IFT56: variants seen among roughly 807,000 people sequenced by gnomAD.
IFT56 encodes the protein intraflagellar transport 56, also known as intraflagellar transport protein 56.
chr7:139,162,457 TA>T, the IFT56 span, among the ~76,000 whole-genome samples: 5 of 152,238 alleles, frequency 3.3e-5, no homozygotes, highest in Non-Finnish European at 7.3e-5. Flanking sequence ...CATAATACTT[TA>T]TTTTTTTCCA....
At chr7:139,139,392 T>C in the IFT56 span, among the ~76,000 whole-genome samples, 14 of 152,178 alleles carry the variant, frequency 9.2e-5, no homozygotes, top group South Asian at 2.9e-3. Flanking sequence ...GTATGGAAAA[T>C]GTCGTTAACA....
chr7:139,176,505 C>T, the IFT56 span, among the ~76,000 whole-genome samples: 20 of 152,128 alleles, frequency 1.3e-4, no homozygotes, highest in Admixed American at 9.2e-4. Context: ...ATATTGCCCA[C>T]TAGTAGTCTT....
At chr7:139,143,774 C>T in the IFT56 span, among the ~76,000 whole-genome samples, 1 of 151,974 alleles carries the variant, frequency 6.6e-6, no homozygotes, top group East Asian at 1.9e-4. Context: ...TCTCTCCTTT[C>T]TTGCCTTTTT....
the IFT56 span, chr7:139,169,327 G>T: frequency 6.2e-7 from 1 of 1,614,012 alleles, no homozygotes. Context: ...TCTTCCAGTT[G>T]GTGGGAGGAT....
chr7:139,180,130 G>A, the IFT56 span, among the ~76,000 whole-genome samples: 14 of 152,040 alleles, frequency 9.2e-5, no homozygotes. Flanking sequence ...GAGGTCAGGA[G>A]ATCGAGACCA....
the IFT56 span, chr7:139,147,106 A>G: frequency 1.9e-6 from 3 of 1,608,492 alleles, no homozygotes; most frequent in Admixed American, 1.7e-5. Flanking sequence ...CAACACTAAT[A>G]TGAATCTTTA....
the IFT56 span, among the ~76,000 whole-genome samples, chr7:139,136,074 C>A: frequency 0.022 from 3,352 of 152,212 alleles, 93 homozygotes; most frequent in African/African-American, 0.076. Flanking sequence ...GAAGTGCCTG[C>A]CACCATACCT....
chr7:139,187,346 C>T, the IFT56 span: 1 of 1,577,240 alleles, frequency 6.3e-7, no homozygotes, highest in East Asian at 2.3e-5. Context: ...TCTTTATGTT[C>T]AGGTTCTTTC....
the IFT56 span, among the ~76,000 whole-genome samples, chr7:139,148,650 T>C: frequency 6.6e-6 from 1 of 152,186 alleles, no homozygotes; most frequent in South Asian, 2.1e-4. Flanking sequence ...TAAAACCAAA[T>C]GCTTCTGGCC....
the IFT56 span, chr7:139,172,854 C>A: frequency 1.5e-6 from 1 of 680,756 alleles, no homozygotes; most frequent in Non-Finnish European, 2.8e-6. Flanking sequence ...TACTTCCTTC[C>A]TTGCTAGGAG....
the IFT56 span, chr7:139,160,977 T>C: frequency 3.1e-6 from 5 of 1,613,710 alleles, no homozygotes; most frequent in Non-Finnish European, 4.2e-6. Context: ...TGGACAATGC[T>C]TCTTCATCCT....
At chr7:139,135,299 C>A in the IFT56 span, among the ~76,000 whole-genome samples, 3,595 of 97,898 alleles carry the variant, frequency 0.037, 38 homozygotes, top group South Asian at 0.099. Flanking sequence ...AAAAAAAAAA[C>A]AAAACAAAAC....
chr7:139,138,608 C>T, the IFT56 span, among the ~76,000 whole-genome samples: 1 of 152,078 alleles, frequency 6.6e-6, no homozygotes, highest in African/African-American at 2.4e-5. Context: ...ATCTTCAGAA[C>T]AGGAAAATTA....
chr7:139,141,423 G>GCCCA, the IFT56 span, among the ~76,000 whole-genome samples: 2 of 152,074 alleles, frequency 1.3e-5, no homozygotes, highest in Non-Finnish European at 2.9e-5. Flanking sequence ...CCACCACCAT[G>GCCCA]CCCAGCAAAG....
At chr7:139,150,436 C>G in the IFT56 span, among the ~76,000 whole-genome samples, 2 of 152,116 alleles carry the variant, frequency 1.3e-5, no homozygotes, top group Non-Finnish European at 2.9e-5. Flanking sequence ...AGTATGGTTA[C>G]TCAATATCCT....
chr7:139,138,702 C>A, the IFT56 span, among the ~76,000 whole-genome samples: 2 of 151,958 alleles, frequency 1.3e-5, no homozygotes, highest in East Asian at 3.9e-4. Context: ...GACAAAGGAA[C>A]AATTATATTT....
chr7:139,178,654 T>A, the IFT56 span: 1 of 1,451,362 alleles, frequency 6.9e-7, no homozygotes, highest in Non-Finnish European at 9.7e-7. Flanking sequence ...CATCCTTATC[T>A]TTTTCTCACT....
the IFT56 span, among the ~76,000 whole-genome samples, chr7:139,135,138 G>A: frequency 6.6e-6 from 1 of 152,010 alleles, no homozygotes; most frequent in African/African-American, 2.4e-5. Flanking sequence ...AATTAGCTGG[G>A]CATGGTGGCA....
chr7:139,190,633 A>G, the IFT56 span: 1 of 152,206 alleles, frequency 6.6e-6, no homozygotes, highest in Non-Finnish European at 1.5e-5. Flanking sequence ...TGAATCGTAT[A>G]AAGTCCTTTG....
Sources: allele counts gnomAD v4.1 joint callset (sites outside exome capture counted in the v4.1 genomes callset), GRCh38; gene constraint gnomAD v4.1.1; transcripts MANE v1.5; gene names NCBI Gene and HGNC (gene_info 2026-07-23, HGNC 2026-07-21).